SHANK1: variants seen among roughly 807,000 people sequenced by gnomAD.
The protein encoded by SHANK1 is SH3 and multiple ankyrin repeat domains protein 1.
Under a neutral mutation model 165.6 loss-of-function variants are expected in SHANK1, and 35 were observed. That is an observed-to-expected ratio of 0.21 (90% CI 0.16 to 0.28). The LOEUF is 0.28. Among genes scored for constraint, SHANK1 ranks in the 10% least tolerant of loss-of-function variants. SHANK1 has a pLI of 1.00. For synonymous variants in SHANK1, 1,428 were observed against 1,384.8 expected, an observed-to-expected ratio of 1.03 and a Z score of -0.69; for missense variants, 2,681 against 3,036.4, an observed-to-expected ratio of 0.88 and a Z score of 2.75.
chr19:50,714,088 A>G, intron 5 of SHANK1, 94 bp downstream of exon 5: 2 of 1,522,382 alleles, frequency 1.3e-6, no homozygotes, highest in Admixed American at 3.6e-5. Flanking sequence ...TGTTTGGGAG[A>G]CACCAGTCAG....
intron 23 of SHANK1, among the ~76,000 whole-genome samples, chr19:50,663,940 C>CTTTT (rs3087079): frequency 0.42 from 46,098 of 108,744 alleles, 10,991 homozygotes; most frequent in Middle Eastern, 0.51. Context: ...CTCTCTCTCT[C>CTTTT]TTTTTTTTTT....
chr19:50,708,425 T>C (rs1453091336), intron 8 of SHANK1, among the ~76,000 whole-genome samples: 2 of 152,022 alleles, frequency 1.3e-5, no homozygotes, highest in South Asian at 2.1e-4. Flanking sequence ...CTAGCACTTA[T>C]CTCATGTCGT....
rs781089496 is a variant in SHANK1, at chr19:50,667,583, C to A, written c.4377G>T (p.Leu1459=). The part of the protein sequence containing the change: ...PPTAPGVGPL[L]LQLGTEPPAP... ...CCGGGGGCTCCGTCCCCAGCTGCAG[C>A]AGGAGGGGCCCCACCCCGGGAGCGG... The change falls in exon 23 of 24, where the codon CTG becomes CTT. Residue 1459 remains leucine (L), a synonymous_variant. Transcript: ENST00000293441. This position sits in a 1 kb window ranked among gnomAD's most constrained non-coding sequence, Gnocchi z 5.7. The A allele has an allele frequency of 6.9e-7, 1 of 1,439,434 alleles. No homozygotes were observed. The highest frequency in any genetic ancestry group is 9.0e-7 in the Non-Finnish European group (1 of 1,107,890). The allele number at this position is 1,439,434 out of a possible 1,614,324, so 89.2% of individuals were successfully genotyped here. A position where few individuals can be genotyped will look rare whatever the true frequency, so the allele number is the denominator to read the frequency against.
At position 50,667,022 on chromosome 19, in the gene SHANK1, A is replaced by G. The variant is rs924255201; in HGVS notation, c.4938T>C (p.His1646=). 2 of 1,552,738 alleles carry G rather than the reference A, an allele frequency of 1.3e-6. No individual in the cohort carries two copies. The highest frequency in any genetic ancestry group is 1.2e-5 in the South Asian group (1 of 82,698). ...CTGCTGGGGCAGGCGGGCCTGGTGG[A>G]TGGGGGTCCCCAGGAGCGGCGGAGG... ...QGASAAPGDP[H]PPGPPAPAAP... is the part of the protein sequence containing the mutation. The change falls in exon 23 of 24, where the codon CAT becomes CAC. Residue 1646 remains histidine (H), a synonymous_variant. Coordinates refer to ENST00000293441, the MANE Select transcript of SHANK1 (RefSeq NM_016148.5). The surrounding 1 kb of genome is among the most constrained non-coding windows in gnomAD (Gnocchi z 5.7).
At chr19:50,663,957 T>TTTA (rs1555739159) in intron 23 of SHANK1, among the ~76,000 whole-genome samples, 2 of 147,760 alleles carry the variant, frequency 1.4e-5, no homozygotes, top group African/African-American at 2.5e-5. Flanking sequence ...TTTTTTTTTT[T>TTTA]AAGACAGGGT....
intron 15 of SHANK1, among the ~76,000 whole-genome samples, chr19:50,691,733 G>C (rs1394562676): frequency 2.6e-5 from 4 of 152,192 alleles, no homozygotes; most frequent in Admixed American, 2.0e-4. Flanking sequence ...CTGGAGTGCA[G>C]TGGCACAATT....
chr19:50,708,143 CACCA>C (rs1369240771), intron 8 of SHANK1, among the ~76,000 whole-genome samples: 2 of 151,882 alleles, frequency 1.3e-5, no homozygotes, highest in East Asian at 3.9e-4. Context: ...GACAGGGTTT[CACCA>C]TCTTGGCCAG....
chr19:50,683,543 C>T (rs1345295334), intron 21 of SHANK1, among the ~76,000 whole-genome samples: 1 of 152,102 alleles, frequency 6.6e-6, no homozygotes, highest in Non-Finnish European at 1.5e-5. Context: ...CACATCACGG[C>T]CTTCTCGCAC....
At chr19:50,665,712 G>A (rs981535814) in intron 23 of SHANK1, among the ~76,000 whole-genome samples, 10 of 126,962 alleles carry the variant, frequency 7.9e-5, no homozygotes, top group African/African-American at 3.0e-4. Context: ...CACTCCAGCC[G>A]GGTGACAGAG....
chr19:50,703,683 G>A lies in SHANK1; in HGVS notation c.1370C>T (p.Ala457Val), dbSNP rs757400434. 38 of 1,470,902 alleles carry A rather than the reference G, an allele frequency of 2.6e-5. No homozygotes were observed. Among genetic ancestry groups the A allele is most frequent in the Middle Eastern group, 2.1e-4 (1 of 4,838 alleles). The allele number at this position is 1,470,902 out of a possible 1,614,324, so 91.1% of individuals were successfully genotyped here. Reference sequence around the variant, plus strand: ...GGTAGGGCCAGGGGCCCCAGAGGACGCGGCCCCCGGGGCGGAGAACACCAT... The same window carrying A: ...GGTAGGGCCAGGGGCCCCAGAGGACACGGCCCCCGGGGCGGAGAACACCAT... Reference protein sequence around the residue: ...DWMVFSAPGAASSGAPGPTSG... With the variant: ...DWMVFSAPGAVSSGAPGPTSG... Residue 457 changes from alanine (A) to valine (V), a missense_variant, in exon 11 of 24, where the codon GCG becomes GTG. Ala to Val is a moderately conservative substitution (Grantham distance 64). Transcript: ENST00000293441.
intron 8 of SHANK1, among the ~76,000 whole-genome samples, chr19:50,708,952 A>G (rs780774404): frequency 3.3e-5 from 5 of 152,204 alleles, no homozygotes; most frequent in Non-Finnish European, 7.3e-5. Context: ...TCAGGAGGCC[A>G]AGGCGGCAGA....
intron 8 of SHANK1, among the ~76,000 whole-genome samples, chr19:50,705,800 C>A (rs1293500361): frequency 6.6e-6 from 1 of 152,102 alleles, no homozygotes; most frequent in African/African-American, 2.4e-5. Context: ...TTGAATTGCC[C>A]AACAATTCCA....
intron 8 of SHANK1, among the ~76,000 whole-genome samples, chr19:50,710,085 C>T (rs74871153): frequency 6.6e-6 from 1 of 152,272 alleles, no homozygotes; most frequent in East Asian, 1.9e-4. Context: ...TTGTTTGCTC[C>T]CCACCCCCAT....
rs1986947416 is a variant in SHANK1 at position 50,702,429 on chromosome 19, G to GGGC, written c.1747+37_1747+38insGCC. ...CACATTTTCCCTGATCGCCCCCACA[G>GGGC]CCCAGCCCAGCCCAGGCCCTGCTTC... On this transcript the variant is annotated intron_variant, in intron 12 of 23. Coordinates refer to ENST00000293441, the MANE Select transcript of SHANK1 (RefSeq NM_016148.5). This position sits in a 1 kb window ranked among gnomAD's most constrained non-coding sequence, Gnocchi z 5.3. The GGGC allele has an allele frequency of 2.6e-6, 4 of 1,549,984 alleles. No individual in the cohort carries two copies. The South Asian group carries it at 4.7e-5, about 18-fold the overall frequency.
intron 6 of SHANK1, among the ~76,000 whole-genome samples, chr19:50,712,457 T>C (rs574955248): frequency 1.3e-5 from 2 of 152,014 alleles, no homozygotes; most frequent in African/African-American, 4.8e-5. Flanking sequence ...TACAGGTGGG[T>C]TGTTGGGGAC....
Position 50,661,042 on chromosome 19 carries a change from A to C in SHANK1, c.*923T>G, listed in dbSNP as rs910871065. 2.6e-5 allele frequency among the ~76,000 whole-genome samples: 4 copies of C among 151,986 alleles called. No homozygotes were observed. The highest frequency in any genetic ancestry group is 4.4e-5 in the Non-Finnish European group (3 of 68,014). On this transcript the variant is annotated 3_prime_UTR_variant, in exon 24 of 24. Transcript: ENST00000293441. ...GAAGGGAAAGTGCTTCAACGTAAGAAAATGGAGGTAAGAGTGTGTCAGGAG... is the reference window on the plus strand; with the variant it reads ...GAAGGGAAAGTGCTTCAACGTAAGACAATGGAGGTAAGAGTGTGTCAGGAG...
Position 50,702,816 on chromosome 19 carries a change from C to T in SHANK1, c.1554-156G>A, listed in dbSNP as rs529243983. ...CTCCAAGGAAGAGGGCATTTGGGGG[C>T]TCCCTCTGCCTGCCCGCAGCTGCCC... On this transcript the variant is annotated intron_variant, in intron 11 of 23. Coordinates refer to ENST00000293441, the MANE Select transcript of SHANK1 (RefSeq NM_016148.5). The surrounding 1 kb of genome is among the most constrained non-coding windows in gnomAD (Gnocchi z 5.3). 6.6e-6 allele frequency among the ~76,000 whole-genome samples: 1 copy of T among 152,178 alleles called. No homozygotes were observed. Among genetic ancestry groups the T allele is most frequent in the African/African-American group, 2.4e-5 (1 of 41,522 alleles).
At position 50,714,220 on chromosome 19, in the gene SHANK1, T is replaced by C; in HGVS notation, c.602A>G (p.Lys201Arg). ...GTCATGGTAATTGGGGTCCAGCCCC[T>C]TGTCCAGCAGCCGCGCCACCTTGTC... is the stretch of plus-strand genomic sequence containing the variant. ...TSDKVARLLDKGLDPNYHDSD... is the reference protein window; with the variant it reads ...TSDKVARLLDRGLDPNYHDSD... Residue 201 changes from lysine to arginine, a missense_variant, in exon 5 of 24, where the codon AAG becomes AGG. Physicochemically the swap from Lys to Arg is conservative, Grantham distance 26. Coordinates refer to ENST00000293441, the MANE Select transcript of SHANK1 (RefSeq NM_016148.5). The C allele has an allele frequency of 6.2e-7, 1 of 1,614,170 alleles. No individual in the cohort carries two copies.
At chr19:50,682,979 C>A (rs1330010650) in intron 21 of SHANK1, among the ~76,000 whole-genome samples, 2 of 152,112 alleles carry the variant, frequency 1.3e-5, no homozygotes, top group East Asian at 3.8e-4. Flanking sequence ...GTGCATGCCA[C>A]CACATCTGCC....
Sources: gnomAD v4.1 joint callset for allele counts (sites outside exome capture counted in the v4.1 genomes callset) on GRCh38, gnomAD v4.1.1 for gene constraint, Gnocchi (gnomAD v3.1) non-coding constraint, MANE v1.5 for transcripts, NCBI Gene and HGNC (gene_info 2026-07-23, HGNC 2026-07-21) for gene names.